The following LPP variants were observed in gnomAD, a reference collection of about 807,000 sequenced individuals.
LPP encodes the protein lipoma-preferred partner.
A neutral mutation model predicts 60.4 loss-of-function variants in LPP; 38 were observed. The observed-to-expected ratio is 0.63, with a 90% confidence interval of 0.49 to 0.83. The LOEUF is 0.83. Among genes scored for constraint, LPP ranks in the 40% least tolerant of loss-of-function variants. The pLI is 0.00. For missense variants in LPP, 902 were observed against 783.6 expected, an observed-to-expected ratio of 1.15 and a Z score of -1.80; for synonymous variants, 328 against 290.8, an observed-to-expected ratio of 1.13 and a Z score of -1.30.
chr3:188,455,551 T>A (rs1797548750), intron 4 of LPP, among the ~76,000 whole-genome samples: 1 of 152,200 alleles, frequency 6.6e-6, no homozygotes, highest in Non-Finnish European at 1.5e-5. Flanking sequence ...AGTGCTATTT[T>A]ATCAGTCACT....
intron 8 of LPP, among the ~76,000 whole-genome samples, chr3:188,739,805 T>C (rs113665415): frequency 2.6e-5 from 4 of 152,180 alleles, no homozygotes; most frequent in African/African-American, 9.6e-5. Context: ...CTCTGTCTAC[T>C]GCTAAAAGCC....
chr3:188,243,848 C>CT (rs920456783), intron 2 of LPP, among the ~76,000 whole-genome samples: 3 of 151,018 alleles, frequency 2.0e-5, no homozygotes, highest in African/African-American at 7.3e-5. Context: ...AGGTCCACAT[C>CT]TTTTTTTTTA....
intron 4 of LPP, among the ~76,000 whole-genome samples, chr3:188,481,996 G>A (rs946003009): frequency 2.0e-5 from 3 of 152,200 alleles, no homozygotes; most frequent in African/African-American, 4.8e-5. Flanking sequence ...GGGATCTGGT[G>A]GGAGGGGATT....
rs1183275547 is a variant in LPP, at chr3:188,785,517, T to TATATTCATC, written c.1410+25239_1410+25240insTCATCATAT. Among the ~76,000 whole-genome samples, 12 of 63,602 alleles carry TATATTCATC rather than the reference T, an allele frequency of 1.9e-4. 1 individual carries two copies. Among genetic ancestry groups the TATATTCATC allele is most frequent in the Non-Finnish European group, 2.8e-4 (10 of 35,604 alleles). The allele number at this position is 63,602 out of a possible 152,430, so 41.7% of individuals were successfully genotyped here. On this transcript the variant is annotated intron_variant, in intron 9 of 11. Transcript: ENST00000617246. ...ATATATATATATTCCATCATATATA[T>TATATTCATC]ATATATATATATTCCATCATATATA... is the stretch of plus-strand genomic sequence containing the variant.
intron 5 of LPP, among the ~76,000 whole-genome samples, chr3:188,508,756 C>T (rs934100146): frequency 1.3e-5 from 2 of 152,198 alleles, no homozygotes. Flanking sequence ...AAGTATTTTC[C>T]TTGTCCCCTG....
intron 7 of LPP, among the ~76,000 whole-genome samples, chr3:188,694,719 A>G (rs1031850119): frequency 2.6e-5 from 4 of 152,044 alleles, no homozygotes; most frequent in Non-Finnish European, 4.4e-5. Context: ...AATAAATAAA[A>G]ACTAAAAAAC....
intron 2 of LPP, among the ~76,000 whole-genome samples, chr3:188,328,915 A>G (rs1248645896): frequency 6.6e-6 from 1 of 152,224 alleles, no homozygotes; most frequent in Non-Finnish European, 1.5e-5. Flanking sequence ...AATGCATTAA[A>G]GAGAGTCTTA....
chr3:188,546,397 C>T (rs1190008947), intron 6 of LPP, among the ~76,000 whole-genome samples: 1 of 150,706 alleles, frequency 6.6e-6, no homozygotes, highest in African/African-American at 2.5e-5. Flanking sequence ...GGATATCAGA[C>T]TGGATAGGGA....
intron 6 of LPP, among the ~76,000 whole-genome samples, chr3:188,577,885 T>C (rs983201669): frequency 4.8e-5 from 7 of 145,524 alleles, no homozygotes; most frequent in African/African-American, 1.5e-4. Flanking sequence ...TCTGTCTTCC[T>C]CTCCCCACCT....
intron 3 of LPP, among the ~76,000 whole-genome samples, chr3:188,369,835 A>G (rs2151046399): frequency 6.6e-6 from 1 of 152,232 alleles, no homozygotes; most frequent in East Asian, 1.9e-4. Context: ...TAAAAGAATC[A>G]CAGACTCAGG....
chr3:188,691,390 AT>A (rs1862093966), intron 7 of LPP, among the ~76,000 whole-genome samples: 1 of 152,212 alleles, frequency 6.6e-6, no homozygotes, highest in South Asian at 2.1e-4. Context: ...AATGAGGGCA[AT>A]AAAAGTAACC....
intron 8 of LPP, among the ~76,000 whole-genome samples, chr3:188,737,161 A>G (rs114823675): frequency 4.2e-4 from 64 of 152,166 alleles, no homozygotes; most frequent in Non-Finnish European, 8.1e-4. Flanking sequence ...TGTTATTTTC[A>G]TAAGTATAAA....
chr3:188,795,175 T>C (rs2151072752), intron 9 of LPP, among the ~76,000 whole-genome samples: 1 of 152,196 alleles, frequency 6.6e-6, no homozygotes, highest in South Asian at 2.1e-4. Context: ...TAAATTTGAT[T>C]AATGAAATCT....
At chr3:188,752,223 T>G (rs377654437) in intron 8 of LPP, among the ~76,000 whole-genome samples, 12 of 152,342 alleles carry the variant, frequency 7.9e-5, no homozygotes, top group East Asian at 5.8e-4. Flanking sequence ...GTTACTGCAG[T>G]GCTTGACAGC....
intron 7 of LPP, among the ~76,000 whole-genome samples, chr3:188,684,610 G>A (rs952815411): frequency 8.6e-5 from 13 of 151,140 alleles, no homozygotes; most frequent in African/African-American, 3.2e-4. Flanking sequence ...AAATGGAGCC[G>A]TCAGCAAATA....
chr3:188,174,592 C>A (rs1334292589), intron 1 of LPP, among the ~76,000 whole-genome samples: 4 of 152,154 alleles, frequency 2.6e-5, no homozygotes, highest in Non-Finnish European at 4.4e-5. Flanking sequence ...GAGCTGAACC[C>A]TGGAGACATA....
chr3:188,531,548 T>C (rs940755066), intron 6 of LPP, among the ~76,000 whole-genome samples: 8 of 152,154 alleles, frequency 5.3e-5, no homozygotes, highest in Non-Finnish European at 1.2e-4. Context: ...GGGCTAGAGA[T>C]TGAATGAATA....
rs1324359088 is a variant in LPP at position 188,880,030 on chromosome 3, T to C, written c.*5551T>C. On this transcript the variant is annotated 3_prime_UTR_variant, in exon 12 of 12. Coordinates refer to ENST00000617246, the MANE Select transcript of LPP (RefSeq NM_001375462.1). ...TGTGAAAGATGCGTTTTTTTTCTTT[T>C]TTTCTTTTTTTTTTTTTTGAGACGG... 1 of 128,358 alleles carries C rather than the reference T, an allele frequency of 7.8e-6. No homozygotes were observed. The highest frequency in any genetic ancestry group is 1.1e-4 in the East Asian group (1 of 8,912). 8.0% of individuals were successfully genotyped at this position (128,358 alleles called of 1,614,324 possible).
At chr3:188,523,998 T>G (rs1819744850) in intron 5 of LPP, among the ~76,000 whole-genome samples, 1 of 152,192 alleles carries the variant, frequency 6.6e-6, no homozygotes, top group Admixed American at 6.5e-5. Context: ...CTGTTGATTC[T>G]GACTGCAGGT....
Sources: gnomAD v4.1 joint callset for allele counts (sites outside exome capture counted in the v4.1 genomes callset) on GRCh38, gnomAD v4.1.1 for gene constraint, MANE v1.5 for transcripts, NCBI Gene and HGNC (gene_info 2026-07-23, HGNC 2026-07-21) for gene names.